The following GALNT13 variants were observed in gnomAD, a reference collection of about 807,000 sequenced individuals.
GALNT13 encodes the protein UDP-GalNAc:polypeptide N-acetylgalactosaminyltransferase 13.
Under a neutral mutation model 64.2 loss-of-function variants are expected in GALNT13, and 28 were observed. That is an observed-to-expected ratio of 0.44 (90% confidence interval 0.32 to 0.60). GALNT13 has a LOEUF of 0.60. Ranked by LOEUF, GALNT13 falls within the 20% of genes least tolerant of loss-of-function variation. GALNT13 has a pLI of 0.05. For synonymous variants in GALNT13, 214 were observed against 224.6 expected (o/e 0.95, Z 0.42); for missense variants, 577 against 669.8 (o/e 0.86, Z 1.53).
the GALNT13 span, among the ~76,000 whole-genome samples, chr2:153,287,539 G>A: frequency 1.3e-5 from 2 of 152,250 alleles, no homozygotes; most frequent in South Asian, 4.1e-4. Flanking sequence ...TGAGCCGGAA[G>A]AGGAATGGAG....
chr2:153,504,785 C>T, the GALNT13 span, among the ~76,000 whole-genome samples: 1 of 151,900 alleles, frequency 6.6e-6, no homozygotes, highest in African/African-American at 2.4e-5. Context: ...TTGGCTAGCT[C>T]GTATTTTGTT....
the GALNT13 span, among the ~76,000 whole-genome samples, chr2:153,625,909 A>G: frequency 6.6e-6 from 1 of 152,070 alleles, no homozygotes; most frequent in Admixed American, 6.6e-5. Context: ...TGTTCATTTC[A>G]GCTCCCTGCT....
chr2:153,180,122 G>C, the GALNT13 span, among the ~76,000 whole-genome samples: 16 of 151,878 alleles, frequency 1.1e-4, no homozygotes, highest in African/African-American at 3.1e-4. Context: ...TAGGGAAAAG[G>C]GTTCAATTTT....
chr2:154,014,632 C>T (rs1300461356), intron 3 of GALNT13, among the ~76,000 whole-genome samples: 1 of 52,848 alleles, frequency 1.9e-5, no homozygotes, highest in African/African-American at 6.5e-5. Flanking sequence ...TCTGATAATT[C>T]TCCTTTTTTT....
At chr2:153,896,259 A>T (rs1687889595) in intron 1 of GALNT13, among the ~76,000 whole-genome samples, 1 of 150,500 alleles carries the variant, frequency 6.6e-6, no homozygotes, top group Non-Finnish European at 1.5e-5. Flanking sequence ...ATTTAACTTT[A>T]CATTGCTTAA....
the GALNT13 span, among the ~76,000 whole-genome samples, chr2:153,794,414 AAAT>A: frequency 6.6e-6 from 1 of 152,196 alleles, no homozygotes; most frequent in African/African-American, 2.4e-5. Flanking sequence ...CCATAAAAGA[AAAT>A]TTCATACAGC....
chr2:153,156,519 A>G, the GALNT13 span, among the ~76,000 whole-genome samples: 1 of 152,172 alleles, frequency 6.6e-6, no homozygotes, highest in South Asian at 2.1e-4. Context: ...TGGGTGGACG[A>G]TGAAAGTGCT....
the GALNT13 span, among the ~76,000 whole-genome samples, chr2:153,677,460 T>C: frequency 3.9e-5 from 6 of 152,114 alleles, no homozygotes; most frequent in Non-Finnish European, 7.4e-5. Context: ...AGAATCAATA[T>C]TGTTAGAATG....
the GALNT13 span, among the ~76,000 whole-genome samples, chr2:153,372,175 C>T: frequency 1.3e-5 from 2 of 152,012 alleles, no homozygotes; most frequent in Non-Finnish European, 2.9e-5. Context: ...GGAATGGGGG[C>T]GGCATGTGGT....
At chr2:154,320,436 G>A (rs1405925386) in intron 9 of GALNT13, among the ~76,000 whole-genome samples, 3 of 152,112 alleles carry the variant, frequency 2.0e-5, no homozygotes, top group Non-Finnish European at 4.4e-5. Flanking sequence ...TAATTGATGG[G>A]CTTCTTATCA....
At chr2:153,311,531 T>C in the GALNT13 span, among the ~76,000 whole-genome samples, 1 of 152,184 alleles carries the variant, frequency 6.6e-6, no homozygotes, top group African/African-American at 2.4e-5. Flanking sequence ...TCAGGGTGTC[T>C]CATGACGTAA....
At chr2:153,259,940 A>G in the GALNT13 span, among the ~76,000 whole-genome samples, 3 of 151,926 alleles carry the variant, frequency 2.0e-5, no homozygotes, top group East Asian at 5.8e-4. Context: ...GGCATGCTTT[A>G]AATTCTTGAT....
chr2:154,441,947 G>A (rs1272240725), intron 12 of GALNT13: 2 of 152,012 alleles, frequency 1.3e-5, no homozygotes, highest in East Asian at 1.9e-4. Context: ...TAAATGCCTC[G>A]TTTAAGTTTG....
the GALNT13 span, among the ~76,000 whole-genome samples, chr2:153,562,775 T>C: frequency 6.6e-6 from 1 of 152,292 alleles, no homozygotes; most frequent in Middle Eastern, 3.4e-3. Context: ...TCTTATGAAG[T>C]GTCGCTGTGA....
the GALNT13 span, among the ~76,000 whole-genome samples, chr2:153,675,908 AAGTT>A: frequency 6.6e-6 from 1 of 152,180 alleles, no homozygotes; most frequent in South Asian, 2.1e-4. Context: ...CCACATCAAA[AAGTT>A]AGAAAGATCT....
intron 8 of GALNT13, among the ~76,000 whole-genome samples, chr2:154,262,420 T>C (rs1690749267): frequency 6.6e-6 from 1 of 152,226 alleles, no homozygotes; most frequent in Non-Finnish European, 1.5e-5. Context: ...CTTCCTCTTA[T>C]AGGCTATAGC....
the GALNT13 span, among the ~76,000 whole-genome samples, chr2:153,400,762 G>A: frequency 1.2e-3 from 185 of 152,012 alleles, no homozygotes; most frequent in African/African-American, 3.7e-3. Context: ...CTGTGGGATC[G>A]GTGGTGATAT....
At chr2:153,766,890 G>A in the GALNT13 span, among the ~76,000 whole-genome samples, 9 of 151,852 alleles carry the variant, frequency 5.9e-5, no homozygotes, top group South Asian at 4.2e-4. Flanking sequence ...GTCCATTATC[G>A]GAGTTTTCTT....
chr2:154,431,015 A>C (rs1156953881), intron 11 of GALNT13, among the ~76,000 whole-genome samples: 1 of 152,208 alleles, frequency 6.6e-6, no homozygotes, highest in African/African-American at 2.4e-5. Context: ...AGGGGAACAA[A>C]AAAATTCATG....
Sources: allele counts gnomAD v4.1 joint callset (sites outside exome capture counted in the v4.1 genomes callset), GRCh38; gene constraint gnomAD v4.1.1; transcripts MANE v1.5; gene names NCBI Gene and HGNC (gene_info 2026-07-23, HGNC 2026-07-21).